CYP4B1: variants seen among roughly 807,000 people sequenced by gnomAD.
CYP4B1 encodes cytochrome P450 family 4 subfamily B member 1.
A neutral mutation model predicts 54.0 loss-of-function variants in CYP4B1; 45 were observed. The observed-to-expected ratio is 0.83, with a 90% CI of 0.66 to 1.07. The LOEUF is 1.07. CYP4B1 is among the 50% of genes least tolerant of loss of function. The pLI is 0.00. For missense variants in CYP4B1, 656 were observed against 655.4 expected (o/e 1.00, Z -0.01); for synonymous variants, 248 against 247.5 (o/e 1.00, Z -0.02).
chr1:46,818,542 T>G, intron 11 of CYP4B1, 89 bp from the exon 12 acceptor site: 7 of 1,328,892 alleles, frequency 5.3e-6, no homozygotes, highest in Non-Finnish European at 2.1e-6. Context: ...CCAAAAACAG[T>G]TATTGACTTT....
intron 7 of CYP4B1, chr1:46,814,664 C>A: frequency 3.1e-6 from 1 of 325,042 alleles, no homozygotes; most frequent in Non-Finnish European, 5.7e-6. Flanking sequence ...TCTAGAAACT[C>A]ACTGAGTTCT....
rs761696782 is a variant in CYP4B1, at chr1:46,817,924, A to G, written c.1208-41A>G. 4.4e-6 allele frequency: 7 copies of G among 1,595,340 alleles called. No individual in the cohort carries two copies. The East Asian group carries it at 1.6e-4, about 36-fold the overall frequency. On this transcript the variant is annotated intron_variant, in intron 9 of 11. Transcript: ENST00000371923. The stretch of plus-strand genomic sequence containing the variant: ...ACCTTATGTGGAGGTAGGCCTGGCT[A>G]CCCAGGACTACCTGGTCACCAACCT...
chr1:46,808,852 A>G (rs1678968926), intron 1 of CYP4B1, among the ~76,000 whole-genome samples: 1 of 149,486 alleles, frequency 6.7e-6, no homozygotes. Context: ...CATCATTCTC[A>G]GTAAACTATC....
chr1:46,815,331 T>C, intron 8 of CYP4B1, 67 bp downstream of exon 8: 2 of 1,398,904 alleles, frequency 1.4e-6, no homozygotes, highest in African/African-American at 2.9e-5. Flanking sequence ...CATCCTGTCC[T>C]GAACCATCCT....
intron 11 of CYP4B1, 82 bp from the exon 12 acceptor site, chr1:46,818,549 C>G: frequency 1.4e-6 from 2 of 1,416,348 alleles, no homozygotes; most frequent in Non-Finnish European, 2.0e-6. Flanking sequence ...CAGTTATTGA[C>G]TTTTGTTGGC....
chr1:46,814,375 C>A, intron 7 of CYP4B1, 60 bp downstream of exon 7: 2 of 1,243,624 alleles, frequency 1.6e-6, no homozygotes, highest in Non-Finnish European at 2.3e-6. Flanking sequence ...CTTCAACCAT[C>A]CTCCCAGGAC....
At chr1:46,816,108 C>T (rs3766198) in intron 8 of CYP4B1, among the ~76,000 whole-genome samples, 13 of 152,160 alleles carry the variant, frequency 8.5e-5, no homozygotes, top group East Asian at 1.9e-4. Flanking sequence ...GAATCCCCCC[C>T]CCACGGGGTA....
At chr1:46,801,828 G>A (rs753361289) in intron 1 of CYP4B1, among the ~76,000 whole-genome samples, 1 of 152,148 alleles carries the variant, frequency 6.6e-6, no homozygotes, top group Non-Finnish European at 1.5e-5. Flanking sequence ...ATTTTAATTC[G>A]TAATGTTGTC....
At chr1:46,806,254 C>T (rs900608813) in intron 1 of CYP4B1, among the ~76,000 whole-genome samples, 7 of 152,140 alleles carry the variant, frequency 4.6e-5, no homozygotes, top group South Asian at 4.2e-4. Flanking sequence ...GACATGCTGC[C>T]GAAAAGGAAA....
At chr1:46,802,813 G>A (rs1006486838) in intron 1 of CYP4B1, among the ~76,000 whole-genome samples, 76 of 152,262 alleles carry the variant, frequency 5.0e-4, no homozygotes, top group Non-Finnish European at 5.4e-4. Flanking sequence ...GGCCCCTCTC[G>A]GCGTGGGGAG....
At chr1:46,806,546 C>T (rs900358396) in intron 1 of CYP4B1, among the ~76,000 whole-genome samples, 10 of 152,314 alleles carry the variant, frequency 6.6e-5, no homozygotes, top group Non-Finnish European at 1.3e-4. Flanking sequence ...TTGTACCGCA[C>T]GTTTCCACCT....
intron 7 of CYP4B1, 119 bp from the exon 8 acceptor site, chr1:46,814,955 T>G (rs1431562283): frequency 1.2e-6 from 1 of 843,594 alleles, no homozygotes; most frequent in Non-Finnish European, 1.9e-6. Context: ...TAATCCACCC[T>G]CTGAAAAGGA....
intron 1 of CYP4B1, among the ~76,000 whole-genome samples, chr1:46,809,167 C>CA: frequency 6.7e-6 from 1 of 150,206 alleles, no homozygotes; most frequent in South Asian, 2.1e-4. Context: ...AAACAATATG[C>CA]AAAATCCTTA....
chr1:46,800,881 G>A lies in CYP4B1; in HGVS notation c.180+1620G>A, dbSNP rs551057377. On this transcript the variant is annotated intron_variant, in intron 1 of 11. Transcript: ENST00000371923. ...CAGGCCTGGGGTTCAAAGAGCTTAC[G>A]GTCTGAAGGGAAAACAGACACCAGA... Among the ~76,000 whole-genome samples the A allele has an allele frequency of 5.9e-5, 9 of 152,268 alleles. No individual in the cohort carries two copies. The East Asian group carries it at 1.4e-3, about 23-fold the overall frequency.
intron 8 of CYP4B1, among the ~76,000 whole-genome samples, chr1:46,816,242 T>G (rs1679328764): frequency 6.6e-6 from 1 of 151,964 alleles, no homozygotes; most frequent in Non-Finnish European, 1.5e-5. Flanking sequence ...AATCACAGGA[T>G]CACGTGGTCT....
chr1:46,817,307 G>A (rs1679376102), intron 9 of CYP4B1, 126 bp downstream of exon 9: 5 of 1,123,330 alleles, frequency 4.5e-6, no homozygotes, highest in African/African-American at 1.6e-5. Context: ...AGAGCCCTGG[G>A]TCTAAATCCC....
chr1:46,809,265 A>G (rs1333585186), intron 1 of CYP4B1, among the ~76,000 whole-genome samples: 1 of 152,174 alleles, frequency 6.6e-6, no homozygotes, highest in East Asian at 1.9e-4. Context: ...CCCCAGGGCC[A>G]TTCATGAGGG....
In CYP4B1 at chr1:46,819,255, T is replaced by C. The variant is rs980529149; in HGVS notation, c.*441T>C. 6 of 159,634 alleles carry C rather than the reference T, an allele frequency of 3.8e-5. No homozygotes were observed. Among genetic ancestry groups the C allele is most frequent in the African/African-American group, 1.4e-4 (6 of 41,624 alleles). 9.9% of individuals were successfully genotyped at this position (159,634 alleles called of 1,614,324 possible). On this transcript the variant is annotated 3_prime_UTR_variant, in exon 12 of 12. Transcript: ENST00000371923. ...CCCTTCACTGAGATGTGTTTCTTTG[T>C]TGAACTTTGTGTGTGTGTGTTTAGA... is the stretch of plus-strand genomic sequence containing the variant.
chr1:46,817,243 T>A (rs1234864503), intron 9 of CYP4B1, 62 bp downstream of exon 9: 1 of 1,602,276 alleles, frequency 6.2e-7, no homozygotes, highest in African/African-American at 1.3e-5. Context: ...GCACCCTCTG[T>A]GCCTTTAGTC....
Sources: gnomAD v4.1 joint callset for allele counts (sites outside exome capture counted in the v4.1 genomes callset) on GRCh38, gnomAD v4.1.1 for gene constraint, MANE v1.5 for transcripts, NCBI Gene and HGNC (gene_info 2026-07-23, HGNC 2026-07-21) for gene names.